The following FGF10 variants were observed in gnomAD, a reference collection of about 807,000 sequenced individuals.
The protein encoded by FGF10 is fibroblast growth factor 10.
A neutral mutation model predicts 19.8 loss-of-function variants in FGF10; 2 were observed. The observed-to-expected ratio is 0.10, with a 90% CI of 0.04 to 0.32. The LOEUF (loss-of-function observed/expected upper bound fraction) is 0.32. Among genes scored for constraint, FGF10 ranks in the 10% least tolerant of loss-of-function variants. The pLI, the probability that FGF10 is intolerant of heterozygous loss-of-function variation, is 1.00. For synonymous variants in FGF10, 112 were observed against 94.0 expected (o/e 1.19, Z -1.10); for missense variants, 191 against 246.3 (o/e 0.78, Z 1.50).
chr5:44,382,823 T>G (rs1318041056), intron 1 of FGF10, among the ~76,000 whole-genome samples: 2 of 152,124 alleles, frequency 1.3e-5, no homozygotes, highest in African/African-American at 2.4e-5. Flanking sequence ...AGATTTATAA[T>G]TTCTGGAAGG....
chr5:44,385,723 G>A (rs908188942), intron 1 of FGF10, among the ~76,000 whole-genome samples: 1 of 152,142 alleles, frequency 6.6e-6, no homozygotes, highest in African/African-American at 2.4e-5. Context: ...CAGCTGGCTG[G>A]CTACCCTGTA....
At chr5:44,320,461 A>G (rs990187852) in intron 1 of FGF10, among the ~76,000 whole-genome samples, 13 of 152,308 alleles carry the variant, frequency 8.5e-5, no homozygotes, top group African/African-American at 3.1e-4. Flanking sequence ...GGAGGGAAAG[A>G]CCCAGTGATG....
chr5:44,330,365 G>GA (rs1480674152), intron 1 of FGF10, among the ~76,000 whole-genome samples: 2 of 152,168 alleles, frequency 1.3e-5, no homozygotes, highest in African/African-American at 2.4e-5. Context: ...AACAGGGATA[G>GA]GAAGTTGGTT....
At chr5:44,374,139 C>T (rs887107016) in intron 1 of FGF10, among the ~76,000 whole-genome samples, 1 of 152,140 alleles carries the variant, frequency 6.6e-6, no homozygotes, top group Non-Finnish European at 1.5e-5. Context: ...TTCCAGTCTC[C>T]TTGGCTCATG....
rs565916730 is a variant in FGF10, at chr5:44,334,738, C to G, written c.326-24208G>C. Among the ~76,000 whole-genome samples the G allele has an allele frequency of 3.3e-5, 5 of 152,144 alleles. No homozygotes were observed. In the East Asian group the frequency reaches 9.7e-4, roughly 29 times the overall value. On this transcript the variant is annotated intron_variant, in intron 1 of 2. Coordinates refer to ENST00000264664, the MANE Select transcript of FGF10 (RefSeq NM_004465.2). ...TTTCACTAGCTCTAAAAAAATGATA[C>G]TATTGCAGAGTAGTTACCACCTGAT...
intron 1 of FGF10, among the ~76,000 whole-genome samples, chr5:44,357,735 T>C (rs961045537): frequency 5.3e-5 from 8 of 151,460 alleles, no homozygotes; most frequent in Non-Finnish European, 8.9e-5. Context: ...AAGATGCCAA[T>C]TGGGGGCAAA....
intron 1 of FGF10, among the ~76,000 whole-genome samples, chr5:44,333,331 G>C (rs1050919009): frequency 1.3e-5 from 2 of 152,050 alleles, no homozygotes; most frequent in Non-Finnish European, 2.9e-5. Context: ...TCAAAGTTTA[G>C]CAACAAAAAC....
intron 1 of FGF10, among the ~76,000 whole-genome samples, chr5:44,318,134 AC>A (rs1321735162): frequency 6.6e-6 from 1 of 152,120 alleles, no homozygotes; most frequent in Non-Finnish European, 1.5e-5. Flanking sequence ...ATTTGCTGTG[AC>A]CCAAGATAAC....
At chr5:44,315,453 G>A (rs1408303391) in intron 1 of FGF10, among the ~76,000 whole-genome samples, 1 of 152,092 alleles carries the variant, frequency 6.6e-6, no homozygotes, top group Non-Finnish European at 1.5e-5. Context: ...ATGGCACTTT[G>A]AGGTGGCCAC....
rs189642060 is a variant in FGF10, at chr5:44,375,593, T to G, written c.325+12765A>C. 1.2e-3 allele frequency among the ~76,000 whole-genome samples: 181 copies of G among 152,242 alleles called. 2 individuals are homozygous for G. The highest frequency in any genetic ancestry group is 6.7e-3 in the Admixed American group (102 of 15,282). On this transcript the variant is annotated intron_variant, in intron 1 of 2. Coordinates refer to ENST00000264664, the MANE Select transcript of FGF10 (RefSeq NM_004465.2). Reference sequence around the variant, plus strand: ...TATGACATGTGAAGGAATATAGAGATTACATGATATTATATGACATATGAC... The same window carrying G: ...TATGACATGTGAAGGAATATAGAGAGTACATGATATTATATGACATATGAC...
chr5:44,331,107 T>C (rs987014797), intron 1 of FGF10, among the ~76,000 whole-genome samples: 7 of 152,148 alleles, frequency 4.6e-5, no homozygotes, highest in African/African-American at 1.7e-4. Flanking sequence ...TGCTTTTCTG[T>C]GGTTTGAAGA....
Position 44,318,815 on chromosome 5 carries a change from A to G in FGF10, c.326-8285T>C, listed in dbSNP as rs1455592174. 2.0e-5 allele frequency among the ~76,000 whole-genome samples: 3 copies of G among 152,166 alleles called. No individual in the cohort carries two copies. The East Asian group carries it at 5.8e-4, about 29-fold the overall frequency. Reference sequence around the variant, plus strand: ...TACTAAGTTATTTTACATTATTTTGAGATATCTTCTATGTTCAATCAAAAC... The same window carrying G: ...TACTAAGTTATTTTACATTATTTTGGGATATCTTCTATGTTCAATCAAAAC... On this transcript the variant is annotated intron_variant, in intron 1 of 2. Coordinates refer to ENST00000264664, the MANE Select transcript of FGF10 (RefSeq NM_004465.2).
In FGF10 at chr5:44,301,926, G is replaced by A. The variant is rs1236928558; in HGVS notation, c.*3069C>T. Among the ~76,000 whole-genome samples, 3 of 152,016 alleles carry A rather than the reference G, an allele frequency of 2.0e-5. No individual in the cohort carries two copies. Among genetic ancestry groups the A allele is most frequent in the Non-Finnish European group, 2.9e-5 (2 of 67,998 alleles). On this transcript the variant is annotated 3_prime_UTR_variant, in exon 3 of 3. Coordinates refer to ENST00000264664, the MANE Select transcript of FGF10 (RefSeq NM_004465.2). ...CATACTATACACTGTTCAGCCTTTTGCGAGTTAGGAGGAGGGAGTGATTCT... is the reference window on the plus strand; with the variant it reads ...CATACTATACACTGTTCAGCCTTTTACGAGTTAGGAGGAGGGAGTGATTCT...
chr5:44,388,942 A>C lies in FGF10; in HGVS notation c.-260T>G, dbSNP rs1742176297. 5 of 572,664 alleles carry C rather than the reference A, an allele frequency of 8.7e-6. No individual in the cohort carries two copies. Among genetic ancestry groups the C allele is most frequent in the South Asian group, 7.9e-5 (4 of 50,678 alleles). The allele number at this position is 572,664 out of a possible 1,614,324, so 35.5% of individuals were successfully genotyped here. A position where few individuals can be genotyped will look rare whatever the true frequency, so the allele number is the denominator to read the frequency against. ...AATGGTGGACGTGGGTGGCCGCAGC[A>C]GCAGGAGCTGGTGGTGGCGTTGGTG... On this transcript the variant is annotated 5_prime_UTR_variant, in exon 1 of 3. Transcript: ENST00000264664.
chr5:44,364,246 T>C (rs1741554395), intron 1 of FGF10, among the ~76,000 whole-genome samples: 1 of 151,892 alleles, frequency 6.6e-6, no homozygotes, highest in South Asian at 2.1e-4. Flanking sequence ...GAAAACGTAT[T>C]GGATGATATC....
intron 1 of FGF10, among the ~76,000 whole-genome samples, chr5:44,358,029 G>C (rs953798380): frequency 6.6e-6 from 1 of 151,378 alleles, no homozygotes; most frequent in Non-Finnish European, 1.5e-5. Flanking sequence ...GGAGTCTTGA[G>C]GGGGGCAAGG....
At chr5:44,325,153 A>T (rs1740581225) in intron 1 of FGF10, among the ~76,000 whole-genome samples, 1 of 152,228 alleles carries the variant, frequency 6.6e-6, no homozygotes, top group South Asian at 2.1e-4. Flanking sequence ...ATCACTGGCC[A>T]TCAGAGAAAT....
intron 1 of FGF10, among the ~76,000 whole-genome samples, chr5:44,331,070 TAAAAG>T (rs1740725490): frequency 1.3e-5 from 2 of 152,186 alleles, no homozygotes; most frequent in South Asian, 4.1e-4. Flanking sequence ...AAGCTAATGG[TAAAAG>T]GAGAGAGAGA....
chr5:44,387,592 G>C (rs1274550163), intron 1 of FGF10, among the ~76,000 whole-genome samples: 2 of 152,130 alleles, frequency 1.3e-5, no homozygotes, highest in Non-Finnish European at 2.9e-5. Context: ...CAGTACAACA[G>C]GACACCACAA....
Sources: allele counts gnomAD v4.1 joint callset (sites outside exome capture counted in the v4.1 genomes callset), GRCh38; gene constraint gnomAD v4.1.1; transcripts MANE v1.5; gene names NCBI Gene and HGNC (gene_info 2026-07-23, HGNC 2026-07-21).